The following CNTN5 variants were observed in gnomAD, a reference collection of about 807,000 sequenced individuals.
CNTN5 encodes the protein contactin-5.
A neutral mutation model predicts 129.1 loss-of-function variants in CNTN5; 77 were observed. The observed-to-expected ratio is 0.60, with a 90% CI of 0.50 to 0.72. The LOEUF (loss-of-function observed/expected upper bound fraction) is 0.72, where lower values mean the gene tolerates loss of function less well. Among genes scored for constraint, CNTN5 ranks in the 30% least tolerant of loss-of-function variants. The pLI is 0.00. For missense variants in CNTN5, 1,478 were observed against 1,328.8 expected (o/e 1.11, Z -1.75); for synonymous variants, 509 against 465.6 (o/e 1.09, Z -1.20).
chr11:99,178,532 A>G (rs1359404582), intron 1 of CNTN5, among the ~76,000 whole-genome samples: 14 of 151,732 alleles, frequency 9.2e-5, no homozygotes, highest in Admixed American at 9.2e-4. Flanking sequence ...AAAAAAAGAG[A>G]ACGAAACCTA....
chr11:99,200,421 T>C (rs1859111703), intron 1 of CNTN5, among the ~76,000 whole-genome samples: 1 of 152,168 alleles, frequency 6.6e-6, no homozygotes, highest in Non-Finnish European at 1.5e-5. Flanking sequence ...CAAAGTACGA[T>C]TCAGAATTTT....
rs201645995 is a variant in CNTN5, at chr11:99,725,656, ATAT to A, written c.56-93883_56-93881del. ...ATCTAAATTCATTACTTCAAAAAAG[ATAT>A]TATTTTTATATTTCGTAAACATATG... On this transcript the variant is annotated intron_variant, in intron 3 of 24. Transcript: ENST00000524871. 4.9e-3 allele frequency among the ~76,000 whole-genome samples: 742 copies of A among 152,268 alleles called. 3 individuals are homozygous for A. The highest frequency in any genetic ancestry group is 0.014 in the Middle Eastern group (4 of 294).
chr11:99,498,604 T>A (rs1336701915), intron 2 of CNTN5, among the ~76,000 whole-genome samples: 2 of 152,164 alleles, frequency 1.3e-5, no homozygotes, highest in African/African-American at 4.8e-5. Context: ...GATACGGAGT[T>A]TGAATAAGTT....
chr11:99,165,065 A>T (rs1424142414), intron 1 of CNTN5, among the ~76,000 whole-genome samples: 1 of 152,192 alleles, frequency 6.6e-6, no homozygotes, highest in Non-Finnish European at 1.5e-5. Context: ...TTCTTTAAAT[A>T]ATCTGGTTTA....
At chr11:99,117,401 T>G (rs1411133292) in intron 1 of CNTN5, among the ~76,000 whole-genome samples, 1 of 152,168 alleles carries the variant, frequency 6.6e-6, no homozygotes, top group Non-Finnish European at 1.5e-5. Context: ...ACAATCCTGA[T>G]TCTAACACGA....
chr11:99,750,550 A>AAG (rs1944197602), intron 3 of CNTN5, among the ~76,000 whole-genome samples: 1 of 151,910 alleles, frequency 6.6e-6, no homozygotes, highest in South Asian at 2.1e-4. Flanking sequence ...GGTAGCTAAA[A>AAG]AAAAAAGCTA....
chr11:99,193,651 G>T (rs193011746), intron 1 of CNTN5, among the ~76,000 whole-genome samples: 1 of 152,282 alleles, frequency 6.6e-6, no homozygotes, highest in East Asian at 1.9e-4. Flanking sequence ...CACAGGTATT[G>T]GGACTTTTCG....
intron 1 of CNTN5, among the ~76,000 whole-genome samples, chr11:99,036,116 T>G (rs1383348207): frequency 6.6e-6 from 1 of 152,204 alleles, no homozygotes; most frequent in Non-Finnish European, 1.5e-5. Flanking sequence ...TCTTTTGGCT[T>G]GTAGAGTTTC....
chr11:100,328,090 C>A (rs1200165067), intron 21 of CNTN5, among the ~76,000 whole-genome samples: 1 of 152,056 alleles, frequency 6.6e-6, no homozygotes, highest in African/African-American at 2.4e-5. Context: ...ATAGCTCACA[C>A]CTGCAATCCC....
intron 6 of CNTN5, among the ~76,000 whole-genome samples, chr11:99,888,793 C>T (rs6590399): frequency 0.82 from 124,139 of 152,174 alleles, 50,718 homozygotes; most frequent in East Asian, 0.91. Context: ...TGAGGAATTA[C>T]GGAACAGTTG....
chr11:99,282,111 C>T (rs762957069), intron 1 of CNTN5, among the ~76,000 whole-genome samples: 11 of 151,910 alleles, frequency 7.2e-5, no homozygotes, highest in Admixed American at 2.0e-4. Flanking sequence ...TGTTTATAAC[C>T]GGAAAATTTT....
intron 3 of CNTN5, among the ~76,000 whole-genome samples, chr11:99,592,709 C>A (rs1950015826): frequency 6.6e-6 from 1 of 152,080 alleles, no homozygotes; most frequent in African/African-American, 2.4e-5. Context: ...AAATTAATAT[C>A]ATGTAAATAT....
chr11:99,936,607 T>C (rs1008176935), intron 7 of CNTN5, among the ~76,000 whole-genome samples: 9 of 152,194 alleles, frequency 5.9e-5, no homozygotes, highest in African/African-American at 2.2e-4. Context: ...TAGGCTTATT[T>C]CTCTCTAGCT....
At chr11:99,656,566 C>T (rs148520325) in intron 3 of CNTN5, among the ~76,000 whole-genome samples, 339 of 152,216 alleles carry the variant, frequency 2.2e-3, no homozygotes, top group African/African-American at 7.4e-3. Flanking sequence ...GTCCTGGACC[C>T]ATGCACTAGT....
chr11:100,018,732 T>C (rs1940964388), intron 9 of CNTN5, among the ~76,000 whole-genome samples: 3 of 152,028 alleles, frequency 2.0e-5, no homozygotes, highest in East Asian at 1.9e-4. Flanking sequence ...TGTGTAGCTA[T>C]TGAAAATATT....
At chr11:100,128,636 C>G (rs1436828311) in intron 13 of CNTN5, among the ~76,000 whole-genome samples, 1 of 152,050 alleles carries the variant, frequency 6.6e-6, no homozygotes, top group Admixed American at 6.6e-5. Flanking sequence ...TAGAAAGGCA[C>G]AGAGAGATAC....
chr11:99,727,913 A>AC (rs11396186), intron 3 of CNTN5, among the ~76,000 whole-genome samples: 94,646 of 151,888 alleles, frequency 0.62, 30,201 homozygotes, highest in East Asian at 0.83. Context: ...TATTTTACAT[A>AC]AAAAAAATTG....
chr11:99,296,846 T>A (rs978355013), intron 1 of CNTN5, among the ~76,000 whole-genome samples: 7 of 152,208 alleles, frequency 4.6e-5, no homozygotes, highest in African/African-American at 1.7e-4. Flanking sequence ...TTTCTGGCTT[T>A]TGAATTTTAC....
At chr11:99,538,635 T>C (rs1302153344) in intron 2 of CNTN5, among the ~76,000 whole-genome samples, 2 of 152,102 alleles carry the variant, frequency 1.3e-5, no homozygotes, top group Non-Finnish European at 2.9e-5. Flanking sequence ...TTGGAGTAAG[T>C]CAAGTGGAAA....
Sources: gnomAD v4.1 joint callset for allele counts (sites outside exome capture counted in the v4.1 genomes callset) on GRCh38, gnomAD v4.1.1 for gene constraint, MANE v1.5 for transcripts, NCBI Gene and HGNC (gene_info 2026-07-23, HGNC 2026-07-21) for gene names.